The following SEPTIN9 variants were observed in gnomAD, a reference collection of about 807,000 sequenced individuals.
SEPTIN9 encodes the protein septin 9.
Under a neutral mutation model 56.6 loss-of-function variants are expected in SEPTIN9, and 13 were observed. That is an observed-to-expected ratio of 0.23 (90% CI 0.15 to 0.37). The LOEUF (loss-of-function observed/expected upper bound fraction) is 0.37, where lower values mean the gene tolerates loss of function less well. Among genes scored for constraint, SEPTIN9 ranks in the 10% least tolerant of loss-of-function variants. SEPTIN9 has a pLI of 1.00. For synonymous variants in SEPTIN9, 332 were observed against 334.1 expected (o/e 0.99, Z 0.07); for missense variants, 650 against 823.1 (o/e 0.79, Z 2.57).
chr17:77,488,672 C>G, intron 6 of SEPTIN9, 55 bp from the exon 7 acceptor site: 1 of 1,609,812 alleles, frequency 6.2e-7, no homozygotes, highest in Non-Finnish European at 8.5e-7. Context: ...AATGCACGAC[C>G]TGCTTGGGGA....
At chr17:77,395,275 C>T (rs1382369244) in intron 2 of SEPTIN9, among the ~76,000 whole-genome samples, 2 of 151,882 alleles carry the variant, frequency 1.3e-5, no homozygotes, top group Non-Finnish European at 2.9e-5. Context: ...CGCCTGTAAT[C>T]GCAGCACTTT....
At position 77,325,706 on chromosome 17, in the gene SEPTIN9, G is replaced by A. The variant is rs528141681; in HGVS notation, c.76+18509G>A. 1.8e-3 allele frequency among the ~76,000 whole-genome samples: 273 copies of A among 152,302 alleles called. 2 individuals carry two copies. The highest frequency in any genetic ancestry group is 6.2e-3 in the African/African-American group (258 of 41,558). On this transcript the variant is annotated intron_variant, in intron 2 of 11. Transcript: ENST00000427177. ...TGTCCCCTTGCTCGGCTCTCCCTCT[G>A]GGGAAGCCCCTGCAGCCCATTCTCT...
At chr17:77,495,903 G>C (rs778717173) in intron 10 of SEPTIN9, among the ~76,000 whole-genome samples, 1 of 152,250 alleles carries the variant, frequency 6.6e-6, no homozygotes, top group Non-Finnish European at 1.5e-5. Flanking sequence ...GTGGCTCTGC[G>C]ATGGGGCAGC....
At chr17:77,381,151 G>A (rs1309958956) in intron 2 of SEPTIN9, among the ~76,000 whole-genome samples, 2 of 152,182 alleles carry the variant, frequency 1.3e-5, no homozygotes, top group Non-Finnish European at 2.9e-5. Context: ...TTGGGTATGA[G>A]GGAGGGAGCC....
chr17:77,495,293 C>G (rs904580183), intron 10 of SEPTIN9, among the ~76,000 whole-genome samples: 2 of 152,222 alleles, frequency 1.3e-5, no homozygotes, highest in African/African-American at 4.8e-5. Context: ...GGCCCACTTT[C>G]CAGCAGTCTT....
rs149565269 is a variant in SEPTIN9 at position 77,418,705 on chromosome 17, C to T, written c.721+16002C>T. On this transcript the variant is annotated intron_variant, in intron 3 of 11. Transcript: ENST00000427177. ...ATGTCCACGCCTCCTCCTTTCCTCA[C>T]GGCCCATTGATGTCTCCAGATGCTC... 3.0e-3 allele frequency among the ~76,000 whole-genome samples: 456 copies of T among 152,324 alleles called. 1 individual carries two copies. Among genetic ancestry groups the T allele is most frequent in the African/African-American group, 0.01 (423 of 41,580 alleles).
rs1323653993 is a variant in SEPTIN9, at chr17:77,425,203, G to GTC, written c.721+22501_721+22502dup. Reference sequence around the variant, plus strand: ...GGGAAGATGGGCCCAGCTGTGGGAGGTCGTGCGGGCTGGGGACTGAGAGTG... The same window carrying GTC: ...GGGAAGATGGGCCCAGCTGTGGGAGGTCTCGTGCGGGCTGGGGACTGAGAGTG... On this transcript the variant is annotated intron_variant, in intron 3 of 11. Coordinates refer to ENST00000427177, the MANE Select transcript of SEPTIN9 (RefSeq NM_001113491.2). The surrounding 1 kb of genome is among the most constrained non-coding windows in gnomAD (Gnocchi z 4.2). 1.3e-5 allele frequency among the ~76,000 whole-genome samples: 2 copies of GTC among 152,146 alleles called. No homozygotes were observed. Among genetic ancestry groups the GTC allele is most frequent in the Non-Finnish European group, 2.9e-5 (2 of 68,008 alleles).
At chr17:77,290,769 T>G (rs1180966733) in intron 1 of SEPTIN9, among the ~76,000 whole-genome samples, 7 of 149,848 alleles carry the variant, frequency 4.7e-5, no homozygotes, top group Admixed American at 3.3e-4. Flanking sequence ...GAGCCGAGAT[T>G]GCGCCAGTGC....
rs1411236976 is a variant in SEPTIN9 at position 77,499,224 on chromosome 17, C to T, written c.*566C>T. 1.7e-6 allele frequency: 1 copy of T among 578,908 alleles called. No homozygotes were observed. The highest frequency in any genetic ancestry group is 3.5e-5 in the East Asian group (1 of 28,314). The allele number at this position is 578,908 out of a possible 1,614,324, so 35.9% of individuals were successfully genotyped here. A position where few individuals can be genotyped will look rare whatever the true frequency, so the allele number is the denominator to read the frequency against. ...TAAGGGTAGAAAACTCCAGGGTCCC[C>T]TGCCACCGACTGCCCAGCCACTCCA... On this transcript the variant is annotated 3_prime_UTR_variant, in exon 12 of 12. Transcript: ENST00000427177.
chr17:77,455,432 C>G (rs996185940), intron 3 of SEPTIN9, among the ~76,000 whole-genome samples: 1 of 152,272 alleles, frequency 6.6e-6, no homozygotes, highest in African/African-American at 2.4e-5. Context: ...AGGCTCCAAG[C>G]ACCAGGTGAC....
intron 3 of SEPTIN9, among the ~76,000 whole-genome samples, chr17:77,463,035 C>T (rs144154482): frequency 3.5e-4 from 54 of 152,216 alleles, no homozygotes; most frequent in African/African-American, 1.2e-3. Flanking sequence ...ACAGTGAGCC[C>T]GTGGGGGTCT....
intron 2 of SEPTIN9, among the ~76,000 whole-genome samples, chr17:77,383,458 C>T (rs1193712964): frequency 6.8e-6 from 1 of 146,782 alleles, no homozygotes; most frequent in Non-Finnish European, 1.5e-5. Flanking sequence ...CAGTCCGCAC[C>T]TGCATCCATC....
At chr17:77,488,693 T>C in intron 6 of SEPTIN9, 34 bp from the exon 7 acceptor site, 1 of 1,612,886 alleles carries the variant, frequency 6.2e-7, no homozygotes. Flanking sequence ...GGGCATCTCA[T>C]GTGCCTGCTG....
At chr17:77,391,049 C>T (rs1053956384) in intron 2 of SEPTIN9, among the ~76,000 whole-genome samples, 3 of 152,198 alleles carry the variant, frequency 2.0e-5, no homozygotes, top group East Asian at 1.9e-4. Flanking sequence ...GGGGCAACAA[C>T]GCACTTGCCC....
chr17:77,493,144 G>T, intron 10 of SEPTIN9, 68 bp downstream of exon 10: 2 of 1,270,994 alleles, frequency 1.6e-6, no homozygotes, highest in Non-Finnish European at 1.1e-6. Context: ...CCCAGAGCCT[G>T]TGGGCCACGC....
chr17:77,434,102 C>G lies in SEPTIN9; in HGVS notation c.721+31399C>G, dbSNP rs998803752. On this transcript the variant is annotated intron_variant, in intron 3 of 11. Coordinates refer to ENST00000427177, the MANE Select transcript of SEPTIN9 (RefSeq NM_001113491.2). The surrounding 1 kb of genome is among the most constrained non-coding windows in gnomAD (Gnocchi z 5.0). ...AGGCCCTGGGTTTGGTGTCTGTGGG[C>G]TGGGGATCTGTGTTGGGGTCTCCAG... Among the ~76,000 whole-genome samples, 9 of 152,220 alleles carry G rather than the reference C, an allele frequency of 5.9e-5. No individual in the cohort carries two copies. Among genetic ancestry groups the G allele is most frequent in the African/African-American group, 2.2e-4 (9 of 41,456 alleles).
In SEPTIN9 at chr17:77,475,419, C is replaced by G; in HGVS notation, c.722-6725C>G. ...GGGAGCAGCCCTGGCCGGACACTGT[C>G]CTCCTAGCATTGCCTGCATCAGGGA... On this transcript the variant is annotated intron_variant, in intron 3 of 11. Transcript: ENST00000427177. This position sits in a 1 kb window ranked among gnomAD's most constrained non-coding sequence, Gnocchi z 4.6. 6.7e-7 allele frequency: 1 copy of G among 1,483,006 alleles called. No homozygotes were observed. The allele number at this position is 1,483,006 out of a possible 1,614,324, so 91.9% of individuals were successfully genotyped here. A position where few individuals can be genotyped will look rare whatever the true frequency, so the allele number is the denominator to read the frequency against.
At chr17:77,408,387 C>T (rs1013075514) in intron 3 of SEPTIN9, among the ~76,000 whole-genome samples, 2 of 152,056 alleles carry the variant, frequency 1.3e-5, no homozygotes, top group African/African-American at 4.8e-5. Context: ...TTTCCTGTGA[C>T]CCAGAGGGTC....
intron 3 of SEPTIN9, among the ~76,000 whole-genome samples, chr17:77,462,492 C>T (rs1428228635): frequency 2.6e-5 from 4 of 152,180 alleles, no homozygotes; most frequent in African/African-American, 7.2e-5. Context: ...CTATGTTGCC[C>T]GGGCTGGTCT....
Sources: gnomAD v4.1 joint callset for allele counts (sites outside exome capture counted in the v4.1 genomes callset) on GRCh38, gnomAD v4.1.1 for gene constraint, Gnocchi (gnomAD v3.1) non-coding constraint, MANE v1.5 for transcripts, NCBI Gene and HGNC (gene_info 2026-07-23, HGNC 2026-07-21) for gene names.